CHRNA3: variants seen among roughly 807,000 people sequenced by gnomAD.
CHRNA3 encodes neuronal acetylcholine receptor subunit alpha-3.
CHRNA3 carries 34 observed loss-of-function variants against 41.9 expected under a neutral mutation model. That is an observed-to-expected ratio of 0.81 (90% CI 0.62 to 1.08). The LOEUF is 1.08. Among genes scored for constraint, CHRNA3 ranks in the 50% least tolerant of loss-of-function variants. The probability of loss-of-function intolerance (pLI) is 0.00; values close to 1 mark genes in which losing one functional copy is unlikely to be tolerated. For synonymous variants in CHRNA3, 281 were observed against 265.2 expected, an observed-to-expected ratio of 1.06 and a Z score of -0.58; for missense variants, 542 against 638.3, an observed-to-expected ratio of 0.85 and a Z score of 1.63.
At chr15:78,613,570 T>C (rs1339586913) in intron 4 of CHRNA3, among the ~76,000 whole-genome samples, 3 of 48,800 alleles carry the variant, frequency 6.1e-5, no homozygotes, top group Admixed American at 5.2e-4. Flanking sequence ...GGGACTGTTG[T>C]GGGGTGGGGG....
intron 4 of CHRNA3, among the ~76,000 whole-genome samples, chr15:78,613,175 A>C (rs2053406631): frequency 6.6e-6 from 1 of 152,196 alleles, no homozygotes; most frequent in Non-Finnish European, 1.5e-5. Context: ...TTCCTCAGGG[A>C]TCTAGAACTA....
downstream of CHRNA3, chr15:78,593,089 C>T (rs1369379801): frequency 1.3e-6 from 2 of 1,596,812 alleles, no homozygotes; most frequent in African/African-American, 1.4e-5. Context: ...TTTTTCCTAA[C>T]AGGTTGTTGA....
chr15:78,600,825 G>A (rs1325466255), intron 5 of CHRNA3, among the ~76,000 whole-genome samples: 1 of 152,040 alleles, frequency 6.6e-6, no homozygotes, highest in Non-Finnish European at 1.5e-5. Context: ...CCAAGATTGC[G>A]CCACTGCACT....
At chr15:78,609,520 G>A (rs1392747335) in intron 4 of CHRNA3, among the ~76,000 whole-genome samples, 1 of 152,120 alleles carries the variant, frequency 6.6e-6, no homozygotes, top group African/African-American at 2.4e-5. Context: ...TTACAGACAA[G>A]CAAATGCTGA....
downstream of CHRNA3, chr15:78,593,224 C>T (rs770782949): frequency 6.2e-7 from 1 of 1,612,002 alleles, no homozygotes; most frequent in Non-Finnish European, 8.5e-7. Flanking sequence ...TATATTAATA[C>T]CAGTTCATAT....
At chr15:78,619,558 C>A (rs566284395) in intron 1 of CHRNA3, among the ~76,000 whole-genome samples, 1 of 151,992 alleles carries the variant, frequency 6.6e-6, no homozygotes, top group Middle Eastern at 3.2e-3. Flanking sequence ...GCATTCCACC[C>A]TGTAGGGGTG....
In CHRNA3 at chr15:78,596,144, T is replaced by C. The variant is rs1238159169; in HGVS notation, c.*460A>G. The C allele has an allele frequency of 1.0e-6, 1 of 985,606 alleles. No individual in the cohort carries two copies. The highest frequency in any genetic ancestry group is 1.1e-4 in the East Asian group (1 of 8,816). 61.1% of individuals were successfully genotyped at this position (985,606 alleles called of 1,614,324 possible). A position where few individuals can be genotyped will look rare whatever the true frequency, so the allele number is the denominator to read the frequency against. On this transcript the variant is annotated 3_prime_UTR_variant, in exon 6 of 6. Coordinates refer to ENST00000326828, the MANE Select transcript of CHRNA3 (RefSeq NM_000743.5). Reference sequence around the variant, plus strand: ...TTTAGACCCAGTAAAGAACGAGAAATGCATGGTAAGAAATGGGTAACGATG... The same window carrying C: ...TTTAGACCCAGTAAAGAACGAGAAACGCATGGTAAGAAATGGGTAACGATG...
chr15:78,593,107 A>C (rs934230114), downstream of CHRNA3: 1 of 1,607,116 alleles, frequency 6.2e-7, no homozygotes, highest in South Asian at 1.1e-5. Context: ...TGAAGATTGG[A>C]AATTCATAGC....
At chr15:78,596,799 T>A in intron 5 of CHRNA3, 67 bp from the exon 6 acceptor site, 1 of 1,541,090 alleles carries the variant, frequency 6.5e-7, no homozygotes, top group East Asian at 2.3e-5. Context: ...TTTTCAATAC[T>A]GAAGATGTAA....
chr15:78,620,401 G>GGGCAGCGCGGGGACT, intron 1 of CHRNA3: 2 of 380,166 alleles, frequency 5.3e-6, no homozygotes, highest in Non-Finnish European at 9.3e-6. Context: ...GCGCGGGGAC[G>GGGCAGCGCGGGGACT]CGAATCCCCA....
chr15:78,615,854 C>A (rs2053453517), intron 4 of CHRNA3, among the ~76,000 whole-genome samples: 2 of 150,976 alleles, frequency 1.3e-5, no homozygotes, highest in South Asian at 4.2e-4. Context: ...GATTCTCCTG[C>A]CTCAGCCTCT....
At chr15:78,603,212 G>A (rs1269769776) in intron 4 of CHRNA3, among the ~76,000 whole-genome samples, 1 of 152,150 alleles carries the variant, frequency 6.6e-6, no homozygotes, top group African/African-American at 2.4e-5. Flanking sequence ...ATGGAGTTTT[G>A]CCATGTTGGC....
intron 4 of CHRNA3, among the ~76,000 whole-genome samples, chr15:78,610,760 C>T (rs1196610190): frequency 6.6e-6 from 1 of 151,772 alleles, no homozygotes; most frequent in Non-Finnish European, 1.5e-5. Context: ...ACACAAAAAA[C>T]CCTTCAAAAA....
chr15:78,593,102 A>G (rs754450688), downstream of CHRNA3: 1 of 1,605,596 alleles, frequency 6.2e-7, no homozygotes, highest in East Asian at 2.2e-5. Flanking sequence ...GTTGTTGAAG[A>G]TTGGAAATTC....
At chr15:78,597,861 C>T (rs929600901) in intron 5 of CHRNA3, among the ~76,000 whole-genome samples, 1 of 152,040 alleles carries the variant, frequency 6.6e-6, no homozygotes, top group Non-Finnish European at 1.5e-5. Context: ...ACTGAAATGG[C>T]GCTGGGAGAT....
At chr15:78,613,236 C>T (rs1352194479) in intron 4 of CHRNA3, among the ~76,000 whole-genome samples, 1 of 152,028 alleles carries the variant, frequency 6.6e-6, no homozygotes, top group Non-Finnish European at 1.5e-5. Context: ...ACCCAAAGGA[C>T]TATAAATCAT....
At position 78,601,954 on chromosome 15, in the gene CHRNA3, C is replaced by T. The variant is rs777582527; in HGVS notation, c.688G>A (p.Asp230Asn). The T allele has an allele frequency of 3.1e-6, 5 of 1,613,334 alleles. No individual in the cohort carries two copies. Among genetic ancestry groups the T allele is most frequent in the Non-Finnish European group, 3.4e-6 (4 of 1,179,584 alleles). Residue 230 changes from aspartate to asparagine, a missense_variant, in exon 5 of 6, where the codon GAC (aspartate) becomes AAC (asparagine). Coordinates refer to ENST00000326828, the MANE Select transcript of CHRNA3 (RefSeq NM_000743.5). ...KYNCCEEIYP[D>N]ITYSLYIRRL... ...CGGATGTACAGCGAGTATGTGATGT[C>T]GGGGTAGATCTCCTCGCAGCAGTTG... is the stretch of plus-strand genomic sequence containing the variant.
At chr15:78,610,650 A>T (rs1274592387) in intron 4 of CHRNA3, among the ~76,000 whole-genome samples, 2 of 151,716 alleles carry the variant, frequency 1.3e-5, no homozygotes, top group South Asian at 4.2e-4. Context: ...ACACCCTAAC[A>T]TCACAATTAA....
At chr15:78,618,256 C>A (rs77482200) in intron 3 of CHRNA3, 1 of 249,208 alleles carries the variant, frequency 4.0e-6, no homozygotes, top group South Asian at 6.4e-5. Context: ...GGAAAAAAAA[C>A]TGAGTTTTTA....
Sources: allele counts gnomAD v4.1 joint callset (sites outside exome capture counted in the v4.1 genomes callset), GRCh38; gene constraint gnomAD v4.1.1; transcripts MANE v1.5; gene names NCBI Gene and HGNC (gene_info 2026-07-23, HGNC 2026-07-21).